UBE2E2: variants seen among roughly 807,000 people sequenced by gnomAD.
The protein encoded by UBE2E2 is ubiquitin conjugating enzyme E2 E2.
Under a neutral mutation model 24.7 loss-of-function variants are expected in UBE2E2, and 6 were observed. That is an observed-to-expected ratio of 0.24 (90% confidence interval 0.13 to 0.48). The LOEUF is 0.48. Ranked by LOEUF, UBE2E2 falls within the 20% of genes least tolerant of loss-of-function variation. The probability of loss-of-function intolerance (pLI) is 0.99; values close to 1 mark genes in which losing one functional copy is unlikely to be tolerated. For synonymous variants in UBE2E2, 104 were observed against 83.6 expected, an observed-to-expected ratio of 1.24 and a Z score of -1.33; for missense variants, 169 against 245.0, an observed-to-expected ratio of 0.69 and a Z score of 2.07.
At chr3:23,254,615 T>G (rs970540925) in intron 3 of UBE2E2, among the ~76,000 whole-genome samples, 3 of 152,210 alleles carry the variant, frequency 2.0e-5, no homozygotes, top group African/African-American at 7.2e-5. Context: ...GAAATTCCTA[T>G]TCACAAAATT....
chr3:23,458,459 C>T (rs945198268), intron 3 of UBE2E2, among the ~76,000 whole-genome samples: 1 of 148,710 alleles, frequency 6.7e-6, no homozygotes, highest in Non-Finnish European at 1.5e-5. Context: ...TCTCTATCGC[C>T]CAGGCTGGAG....
At chr3:23,324,327 A>T (rs1694828073) in intron 3 of UBE2E2, among the ~76,000 whole-genome samples, 2 of 152,120 alleles carry the variant, frequency 1.3e-5, no homozygotes, top group East Asian at 1.9e-4. Context: ...AAATTTGTTT[A>T]AAAATAAAAA....
chr3:23,374,403 A>C (rs1454945451), intron 3 of UBE2E2, among the ~76,000 whole-genome samples: 1 of 152,216 alleles, frequency 6.6e-6, no homozygotes, highest in African/African-American at 2.4e-5. Flanking sequence ...TTGAATAAAT[A>C]AAACAAGTTT....
intron 3 of UBE2E2, among the ~76,000 whole-genome samples, chr3:23,481,331 C>T (rs1052584197): frequency 6.6e-5 from 10 of 152,210 alleles, no homozygotes; most frequent in African/African-American, 2.4e-4. Context: ...AGCAATTTTT[C>T]TGAATGTAAG....
intron 4 of UBE2E2, among the ~76,000 whole-genome samples, chr3:23,505,747 A>G (rs1230469057): frequency 1.3e-5 from 2 of 152,232 alleles, no homozygotes; most frequent in Non-Finnish European, 2.9e-5. Context: ...TATTTTTTAT[A>G]AAGTCTAACT....
intron 3 of UBE2E2, among the ~76,000 whole-genome samples, chr3:23,498,900 G>A (rs1321204461): frequency 1.3e-5 from 2 of 152,186 alleles, no homozygotes; most frequent in African/African-American, 4.8e-5. Flanking sequence ...GAAACTCAGA[G>A]ACATGTGTAC....
chr3:23,394,396 T>C lies in UBE2E2; in HGVS notation c.228-105212T>C, dbSNP rs972114925. Among the ~76,000 whole-genome samples, 62 of 152,210 alleles carry C rather than the reference T, an allele frequency of 4.1e-4. 1 individual carries two copies. Among genetic ancestry groups the C allele is most frequent in the Admixed American group, 5.9e-4 (9 of 15,284 alleles). On this transcript the variant is annotated intron_variant, in intron 3 of 5. Coordinates refer to ENST00000396703, the MANE Select transcript of UBE2E2 (RefSeq NM_152653.4). ...CTGAGGTCCTCAAGCATGTTCACCA[T>C]GAGTATGACTTTACAGTTTGCTGGG...
At chr3:23,262,670 T>C (rs565125745) in intron 3 of UBE2E2, among the ~76,000 whole-genome samples, 24 of 152,218 alleles carry the variant, frequency 1.6e-4, no homozygotes, top group African/African-American at 5.5e-4. Context: ...TAAGCCCTTA[T>C]TAGATGTATG....
intron 3 of UBE2E2, among the ~76,000 whole-genome samples, chr3:23,271,526 A>G (rs943256411): frequency 5.3e-5 from 8 of 152,136 alleles, no homozygotes; most frequent in Admixed American, 5.2e-4. Flanking sequence ...GACCCCACCC[A>G]CAGCCTACTG....
At chr3:23,477,126 A>G (rs1397676059) in intron 3 of UBE2E2, among the ~76,000 whole-genome samples, 1 of 152,334 alleles carries the variant, frequency 6.6e-6, no homozygotes, top group East Asian at 1.9e-4. Context: ...TTAGCCTAAA[A>G]TAGAAAGAAG....
chr3:23,535,266 A>AATGG (rs1695225943), intron 5 of UBE2E2, among the ~76,000 whole-genome samples: 1 of 152,198 alleles, frequency 6.6e-6, no homozygotes, highest in Admixed American at 6.5e-5. Context: ...GCCATTTATA[A>AATGG]ATGGTAATGT....
chr3:23,532,816 A>T, intron 5 of UBE2E2, 115 bp downstream of exon 5: 7 of 985,706 alleles, frequency 7.1e-6, no homozygotes, highest in Non-Finnish European at 9.6e-6. Flanking sequence ...TACTACTATT[A>T]TTGTTAAATT....
chr3:23,340,152 C>T (rs189084152), intron 3 of UBE2E2, among the ~76,000 whole-genome samples: 184 of 152,112 alleles, frequency 1.2e-3, no homozygotes, highest in African/African-American at 4.2e-3. Flanking sequence ...CCAGATTTTC[C>T]CACAATACTG....
intron 3 of UBE2E2, among the ~76,000 whole-genome samples, chr3:23,456,174 A>T (rs778482): frequency 0.5 from 76,401 of 152,014 alleles, 19,565 homozygotes; most frequent in East Asian, 0.72. Flanking sequence ...ATTGCAGCAA[A>T]TCAATATCTT....
rs1208712731 is a variant in UBE2E2, at chr3:23,589,691, C to T, written c.509-43C>T. 1 of 1,598,990 alleles carries T rather than the reference C, an allele frequency of 6.3e-7. No individual in the cohort carries two copies. Among genetic ancestry groups the T allele is most frequent in the Non-Finnish European group, 8.6e-7 (1 of 1,167,242 alleles). On this transcript the variant is annotated intron_variant, in intron 5 of 5. Coordinates refer to ENST00000396703, the MANE Select transcript of UBE2E2 (RefSeq NM_152653.4). The surrounding 1 kb of genome is among the most constrained non-coding windows in gnomAD (Gnocchi z 4.1). The stretch of plus-strand genomic sequence containing the variant: ...AGCTTTCTGAACACTTCTTCCCCCA[C>T]AGTGCTGGTATTTACTGACTCCCAA...
Position 23,280,406 on chromosome 3 carries a change from G to A in UBE2E2, c.227+63094G>A, listed in dbSNP as rs1698466730. 6.6e-6 allele frequency among the ~76,000 whole-genome samples: 1 copy of A among 152,190 alleles called. No homozygotes were observed. The highest frequency in any genetic ancestry group is 2.4e-5 in the African/African-American group (1 of 41,440). ...TACAGAGAAGTGTTGACATGGATCA[G>A]GATCACACTGGTGCCACTTTAACTG... On this transcript the variant is annotated intron_variant, in intron 3 of 5. Coordinates refer to ENST00000396703, the MANE Select transcript of UBE2E2 (RefSeq NM_152653.4). The surrounding 1 kb of genome is among the most constrained non-coding windows in gnomAD (Gnocchi z 4.3).
At chr3:23,241,170 C>T (rs561885732) in intron 3 of UBE2E2, among the ~76,000 whole-genome samples, 1 of 152,294 alleles carries the variant, frequency 6.6e-6, no homozygotes, top group African/African-American at 2.4e-5. Flanking sequence ...CTTTTTCTCT[C>T]TCACTCTACG....
chr3:23,313,556 TG>T, intron 3 of UBE2E2, among the ~76,000 whole-genome samples: 1 of 152,050 alleles, frequency 6.6e-6, no homozygotes, highest in Admixed American at 6.5e-5. Flanking sequence ...GGCTAATTTT[TG>T]TGTTTTTAGT....
rs781216109 is a variant in UBE2E2 at position 23,458,391 on chromosome 3, C to CTGGTGGTGGTGGTGGTGGTGGTGGTGG, written c.228-41206_228-41180dup. ...CAACAATCACTGATCAGAGAGATCG[C>CTGGTGGTGGTGGTGGTGGTGGTGGTGG]TGGTGGTGGTGGTGGTGGTGGTGGT... On this transcript the variant is annotated intron_variant, in intron 3 of 5. Coordinates refer to ENST00000396703, the MANE Select transcript of UBE2E2 (RefSeq NM_152653.4). Among the ~76,000 whole-genome samples, 86 of 122,484 alleles carry CTGGTGGTGGTGGTGGTGGTGGTGGTGG rather than the reference C, an allele frequency of 7.0e-4. 2 individuals are homozygous for CTGGTGGTGGTGGTGGTGGTGGTGGTGG. Among genetic ancestry groups the CTGGTGGTGGTGGTGGTGGTGGTGGTGG allele is most frequent in the African/African-American group, 2.3e-3 (63 of 27,208 alleles). The allele number at this position is 122,484 out of a possible 152,430, so 80.4% of individuals were successfully genotyped here.
Sources: gnomAD v4.1 joint callset for allele counts (sites outside exome capture counted in the v4.1 genomes callset) on GRCh38, gnomAD v4.1.1 for gene constraint, Gnocchi (gnomAD v3.1) non-coding constraint, MANE v1.5 for transcripts, NCBI Gene and HGNC (gene_info 2026-07-23, HGNC 2026-07-21) for gene names.